The following ZNF490 variants were observed in gnomAD, a reference collection of about 807,000 sequenced individuals.
ZNF490 encodes zinc finger protein 490.
Under a neutral mutation model 17.7 loss-of-function variants are expected in ZNF490, and 11 were observed. That is an observed-to-expected ratio of 0.62 (90% CI 0.39 to 1.03). The LOEUF (loss-of-function observed/expected upper bound fraction) is 1.03, where lower values mean the gene tolerates loss of function less well. Among genes scored for constraint, ZNF490 ranks in the 50% least tolerant of loss-of-function variants. The pLI is 0.00. For missense variants in ZNF490, 542 were observed against 643.4 expected, an observed-to-expected ratio of 0.84 and a Z score of 1.71; for synonymous variants, 222 against 216.1, an observed-to-expected ratio of 1.03 and a Z score of -0.24.
At chr19:12,599,097 G>A (rs1274456682) in intron 2 of ZNF490, among the ~76,000 whole-genome samples, 2 of 115,332 alleles carry the variant, frequency 1.7e-5, no homozygotes, top group African/African-American at 7.0e-5. Flanking sequence ...CCAAGATCAC[G>A]CCACTGCACT....
At chr19:12,603,905 A>G (rs933656237) in intron 2 of ZNF490, among the ~76,000 whole-genome samples, 1 of 152,178 alleles carries the variant, frequency 6.6e-6, no homozygotes, top group Non-Finnish European at 1.5e-5. Flanking sequence ...TTTCCACCAC[A>G]GCTAAGTTTA....
Position 12,579,036 on chromosome 19 carries a change from G to A in ZNF490, c.*1449C>T, listed in dbSNP as rs570361815. 9.4e-5 allele frequency: 57 copies of A among 605,072 alleles called. No homozygotes were observed. The highest frequency in any genetic ancestry group is 4.4e-4 in the South Asian group (6 of 13,746). 37.5% of individuals were successfully genotyped at this position (605,072 alleles called of 1,614,324 possible). ...TGGGAGGCCGAGGAGGGCGGATCAC[G>A]AGGTCAGGAGATCAAGACTATCCTG... On this transcript the variant is annotated 3_prime_UTR_variant, in exon 5 of 5. Coordinates refer to ENST00000311437, the MANE Select transcript of ZNF490 (RefSeq NM_020714.3).
chr19:12,599,662 T>A (rs911667544), intron 2 of ZNF490, among the ~76,000 whole-genome samples: 1 of 152,142 alleles, frequency 6.6e-6, no homozygotes, highest in Non-Finnish European at 1.5e-5. Flanking sequence ...AACATGTAAT[T>A]GAGACTACTG....
In ZNF490 at chr19:12,587,018, C is replaced by T. The variant is rs1284375964; in HGVS notation, c.163-3462G>A. ...GGCAGAGGTTGCAGTGAGGCGAGAT[C>T]GCGCCATGGCTCTCCAGCCTGGGCA... On this transcript the variant is annotated intron_variant, in intron 2 of 4. Coordinates refer to ENST00000311437, the MANE Select transcript of ZNF490 (RefSeq NM_020714.3). 2.3e-5 allele frequency among the ~76,000 whole-genome samples: 2 copies of T among 86,968 alleles called. 1 individual carries two copies. Among genetic ancestry groups the T allele is most frequent in the Non-Finnish European group, 6.1e-5 (2 of 32,964 alleles). The allele number at this position is 86,968 out of a possible 152,430, so 57.1% of individuals were successfully genotyped here. A position where few individuals can be genotyped will look rare whatever the true frequency, so the allele number is the denominator to read the frequency against.
At chr19:12,583,803 A>G (rs967977606) in intron 2 of ZNF490, among the ~76,000 whole-genome samples, 2 of 115,996 alleles carry the variant, frequency 1.7e-5, no homozygotes, top group African/African-American at 6.7e-5. Flanking sequence ...ATATATATAT[A>G]TATATATATT....
chr19:12,599,232 A>C (rs1169884717), intron 2 of ZNF490, among the ~76,000 whole-genome samples: 1 of 151,798 alleles, frequency 6.6e-6, no homozygotes, highest in Non-Finnish European at 1.5e-5. Context: ...TTTGGTTAAA[A>C]AAAGCATAAA....
chr19:12,595,886 G>A (rs951321435), intron 2 of ZNF490, among the ~76,000 whole-genome samples: 4 of 152,088 alleles, frequency 2.6e-5, no homozygotes, highest in South Asian at 2.1e-4. Flanking sequence ...GGGAGGCAGA[G>A]GTTGCAGTGA....
In ZNF490 at chr19:12,577,527, G is replaced by A; in HGVS notation, c.*2958C>T. ...ACCATAAATGTTCCTGGTGAGAGAAGCGAATGTTCCTGGTGAGAGAAGCGA... is the reference window on the plus strand; with the variant it reads ...ACCATAAATGTTCCTGGTGAGAGAAACGAATGTTCCTGGTGAGAGAAGCGA... On this transcript the variant is annotated 3_prime_UTR_variant, in exon 5 of 5. Transcript: ENST00000311437. The A allele has an allele frequency of 1.7e-6, 1 of 579,756 alleles. No homozygotes were observed. The highest frequency in any genetic ancestry group is 2.0e-6 in the Non-Finnish European group (1 of 512,312). 35.9% of individuals were successfully genotyped at this position (579,756 alleles called of 1,614,324 possible).
At chr19:12,595,676 G>A (rs941992092) in intron 2 of ZNF490, among the ~76,000 whole-genome samples, 2 of 152,134 alleles carry the variant, frequency 1.3e-5, no homozygotes, top group Admixed American at 6.6e-5. Flanking sequence ...AGGGCTGGGT[G>A]TGGCGACTCA....
At chr19:12,598,531 C>G (rs1156370759) in intron 2 of ZNF490, among the ~76,000 whole-genome samples, 1 of 151,166 alleles carries the variant, frequency 6.6e-6, no homozygotes, top group African/African-American at 2.4e-5. Context: ...TGAGCCACCA[C>G]GCCCGGCTAA....
chr19:12,580,647 A>G lies in ZNF490; in HGVS notation c.1428T>C (p.Cys476=), dbSNP rs2022717099. 6.2e-6 allele frequency: 10 copies of G among 1,614,114 alleles called. No individual in the cohort carries two copies. The highest frequency in any genetic ancestry group is 8.5e-6 in the Non-Finnish European group (10 of 1,180,046). ...RSHTGVKPCE[C]KQCGKAFTCL... ...AAGTGAAAGCTTTGCCACACTGCTT[A>G]CACTCACATGGTTTCACTCCAGTGT... Residue 476 remains cysteine (C), a synonymous_variant, in exon 5 of 5, where the codon TGT becomes TGC. Transcript: ENST00000311437.
At chr19:12,583,644 T>C (rs2022769011) in intron 2 of ZNF490, 88 bp from the exon 3 acceptor site, 1 of 1,401,228 alleles carries the variant, frequency 7.1e-7, no homozygotes, top group African/African-American at 1.5e-5. Context: ...AAATTCCATA[T>C]AATCCTGTAG....
chr19:12,580,262 C>T lies in ZNF490; in HGVS notation c.*223G>A. 1 of 1,317,666 alleles carries T rather than the reference C, an allele frequency of 7.6e-7. No individual in the cohort carries two copies. Among genetic ancestry groups the T allele is most frequent in the Non-Finnish European group, 9.7e-7 (1 of 1,036,052 alleles). 81.6% of individuals were successfully genotyped at this position (1,317,666 alleles called of 1,614,324 possible). ...CTCCATACATTCGTAGCTTTTCTGT[C>T]CATGGAGTCCATTCACATATCTGCA... On this transcript the variant is annotated 3_prime_UTR_variant, in exon 5 of 5. Transcript: ENST00000311437.
In ZNF490 at chr19:12,577,821, G is replaced by A. The variant is rs1444976768; in HGVS notation, c.*2664C>T. On this transcript the variant is annotated 3_prime_UTR_variant, in exon 5 of 5. Transcript: ENST00000311437. ...GAGACTGTTGTTACGAGGGTGGATG[G>A]TGACCTGGTTTCCCTCAATGCTGCC... 1.0e-6 allele frequency: 1 copy of A among 985,512 alleles called. No homozygotes were observed. Among genetic ancestry groups the A allele is most frequent in the East Asian group, 1.1e-4 (1 of 8,816 alleles). The allele number at this position is 985,512 out of a possible 1,614,324, so 61.0% of individuals were successfully genotyped here.
intron 3 of ZNF490, 53 bp downstream of exon 3, chr19:12,583,377 C>T: frequency 6.6e-7 from 1 of 1,516,686 alleles, no homozygotes; most frequent in Non-Finnish European, 8.9e-7. Flanking sequence ...AGTTGTTGTG[C>T]AAGAAACACC....
chr19:12,593,070 T>C (rs1408406904), intron 2 of ZNF490, among the ~76,000 whole-genome samples: 1 of 152,178 alleles, frequency 6.6e-6, no homozygotes, highest in Non-Finnish European at 1.5e-5. Context: ...CATCACTCTC[T>C]ATTTTGAGAA....
intron 3 of ZNF490, 86 bp downstream of exon 3, chr19:12,583,344 C>T (rs2022764630): frequency 1.4e-6 from 2 of 1,446,358 alleles, no homozygotes; most frequent in Middle Eastern, 1.9e-4. Context: ...TGGCCCCTTC[C>T]CCCATTTTAA....
At position 12,610,802 on chromosome 19, in the gene ZNF490, C is replaced by A; in HGVS notation, c.-122G>T. 2 of 1,016,254 alleles carry A rather than the reference C, an allele frequency of 2.0e-6. No individual in the cohort carries two copies. The highest frequency in any genetic ancestry group is 1.4e-5 in the South Asian group (1 of 72,878). 63.0% of individuals were successfully genotyped at this position (1,016,254 alleles called of 1,614,324 possible). On this transcript the variant is annotated 5_prime_UTR_variant, in exon 1 of 5. Transcript: ENST00000311437. ...ACCAGTTCCGTCCCACCGGCGGAAG[C>A]GAGATCTGCCTAGCTACTAGACCTG...
chr19:12,609,006 A>G, intron 2 of ZNF490, 152 bp downstream of exon 2: 1 of 678,772 alleles, frequency 1.5e-6, no homozygotes, highest in South Asian at 1.8e-5. Flanking sequence ...TGAACAGGAC[A>G]TACCTGAGAG....
Sources: allele counts gnomAD v4.1 joint callset (sites outside exome capture counted in the v4.1 genomes callset), GRCh38; gene constraint gnomAD v4.1.1; transcripts MANE v1.5; gene names NCBI Gene and HGNC (gene_info 2026-07-23, HGNC 2026-07-21).